Variants in EPHB1 observed in about 807,000 individuals in gnomAD.
EPHB1 encodes ephrin type-B receptor 1.
EPHB1 carries 30 observed loss-of-function variants against 94.4 expected under a neutral mutation model. The ratio of observed to expected loss-of-function variants is 0.32; its 90% CI spans 0.24 to 0.43. EPHB1 has a LOEUF of 0.43. Ranked by LOEUF, EPHB1 falls within the 20% of genes least tolerant of loss-of-function variation. The probability of loss-of-function intolerance (pLI) is 1.00; values close to 1 mark genes in which losing one functional copy is unlikely to be tolerated. For missense variants in EPHB1, 1,055 were observed against 1,308.3 expected, an observed-to-expected ratio of 0.81 and a Z score of 2.99; for synonymous variants, 522 against 489.1, an observed-to-expected ratio of 1.07 and a Z score of -0.89.
intron 1 of EPHB1, among the ~76,000 whole-genome samples, chr3:134,915,768 C>CA (rs1202800208): frequency 6.6e-6 from 1 of 152,046 alleles, no homozygotes; most frequent in Non-Finnish European, 1.5e-5. Context: ...TTCGTGGTCT[C>CA]AATGGCTTCA....
chr3:134,922,648 G>A (rs888925264), intron 1 of EPHB1, among the ~76,000 whole-genome samples: 1 of 152,116 alleles, frequency 6.6e-6, no homozygotes, highest in Admixed American at 6.5e-5. Context: ...TCCTCTGCCC[G>A]CTCCCTGCTC....
Position 135,187,325 on chromosome 3 carries a change from A to G in EPHB1, c.1883-5251A>G, listed in dbSNP as rs544581959. On this transcript the variant is annotated intron_variant, in intron 10 of 15. Transcript: ENST00000398015. ...AGCGTCTGTCTTAAATATAACGTTA[A>G]TTCTTGAATTGCTGGAAATATTTTC... Among the ~76,000 whole-genome samples, 22 of 152,324 alleles carry G rather than the reference A, an allele frequency of 1.4e-4. No individual in the cohort carries two copies. In the East Asian group the frequency reaches 3.7e-3, roughly 25 times the overall value.
At chr3:135,192,907 C>G in intron 11 of EPHB1, 84 bp downstream of exon 11, 1 of 1,540,016 alleles carries the variant, frequency 6.5e-7, no homozygotes, top group Non-Finnish European at 8.8e-7. Context: ...GCACAACCTA[C>G]CAATCAGGAA....
At position 134,795,567 on chromosome 3, in the gene EPHB1, G is replaced by T; in HGVS notation, c.-65G>T. 4.0e-6 allele frequency: 6 copies of T among 1,513,260 alleles called. No homozygotes were observed. The highest frequency in any genetic ancestry group is 4.5e-6 in the Non-Finnish European group (5 of 1,103,214). 93.7% of individuals were successfully genotyped at this position (1,513,260 alleles called of 1,614,324 possible). ...CCGCGGAGAGCGCAGCGGCGCCCTG[G>T]GACGCGGCGCTCTCCCGGCGCTGCT... is the stretch of plus-strand genomic sequence containing the variant. On this transcript the variant is annotated 5_prime_UTR_variant, in exon 1 of 16. Coordinates refer to ENST00000398015, the MANE Select transcript of EPHB1 (RefSeq NM_004441.5).
In EPHB1 at chr3:135,162,108, C is replaced by T. The variant is rs2107698243; in HGVS notation, c.1513C>T (p.Gln505Ter). ...GLRPGMVYVV[Q>*]VRARTVAGYG... The stretch of plus-strand genomic sequence containing the variant: ...GCGGCCTGGCATGGTATATGTGGTA[C>T]AGGTGCGTGCCCGCACTGTTGCTGG... The change falls in exon 7 of 16, where the codon CAG (glutamine) becomes TAG (stop). Residue 505 changes from glutamine to a stop codon, truncating the protein, a stop_gained. Transcript: ENST00000398015. LOFTEE classifies it high-confidence loss of function. The T allele has an allele frequency of 6.2e-7, 1 of 1,613,320 alleles. No individual in the cohort carries two copies.
Position 134,951,823 on chromosome 3 carries a change from C to T in EPHB1, c.576C>T (p.Phe192=). Residue 192 remains phenylalanine, a synonymous_variant, in exon 3 of 16, where the codon TTC becomes TTT. Coordinates refer to ENST00000398015, the MANE Select transcript of EPHB1 (RefSeq NM_004441.5). The surrounding 1 kb of genome is among the most constrained non-coding windows in gnomAD (Gnocchi z 4.5). The part of the protein sequence containing the change: ...ACMSLLSVRV[F]FKKCPSIVQN... Reference sequence around the variant, plus strand: ...TGTCTCTTCTTTCTGTCCGTGTCTTCTTCAAAAAGTGTCCCAGCATTGTGC... The same window carrying T: ...TGTCTCTTCTTTCTGTCCGTGTCTTTTTCAAAAAGTGTCCCAGCATTGTGC... The T allele has an allele frequency of 6.2e-7, 1 of 1,614,036 alleles. No individual in the cohort carries two copies. Among genetic ancestry groups the T allele is most frequent in the Non-Finnish European group, 8.5e-7 (1 of 1,179,890 alleles).
intron 3 of EPHB1, among the ~76,000 whole-genome samples, chr3:135,061,205 G>T (rs928825791): frequency 2.0e-5 from 3 of 152,150 alleles, no homozygotes; most frequent in African/African-American, 7.2e-5. Context: ...GTGGTGATTT[G>T]TGAGATTTTG....
chr3:134,882,796 T>TTCTTTCTTTCTTTCTTTCTCTCTC (rs1560280659), intron 1 of EPHB1, among the ~76,000 whole-genome samples: 1 of 75,522 alleles, frequency 1.3e-5, no homozygotes, highest in East Asian at 2.6e-4. Context: ...CTTTCTTTCT[T>TTCTTTCTTTCTTTCTTTCTCTCTC]TCTTTCTTTC....
chr3:135,172,484 G>T (rs186346274), intron 9 of EPHB1, among the ~76,000 whole-genome samples: 1 of 152,338 alleles, frequency 6.6e-6, no homozygotes, highest in African/African-American at 2.4e-5. Context: ...TTCTGCTTTA[G>T]ACAGGATATT....
At chr3:135,206,585 T>C (rs988394944) in intron 12 of EPHB1, among the ~76,000 whole-genome samples, 3 of 152,210 alleles carry the variant, frequency 2.0e-5, no homozygotes, top group Admixed American at 2.0e-4. Context: ...CATGGTGGCC[T>C]GTGCCTGTAA....
At chr3:135,068,469 G>A (rs527997807) in intron 3 of EPHB1, among the ~76,000 whole-genome samples, 1 of 151,844 alleles carries the variant, frequency 6.6e-6, no homozygotes, top group Non-Finnish European at 1.5e-5. Flanking sequence ...GGGATTATCT[G>A]TTCTATTTCT....
chr3:134,882,819 T>TTTCTTTCTTTCTTTCTTTCTTTCG (rs2037782643), intron 1 of EPHB1, among the ~76,000 whole-genome samples: 2 of 138,838 alleles, frequency 1.4e-5, no homozygotes, highest in African/African-American at 5.3e-5. Context: ...TCTTTCTTTC[T>TTTCTTTCTTTCTTTCTTTCTTTCG]TTCTTTTCTT....
intron 5 of EPHB1, among the ~76,000 whole-genome samples, chr3:135,141,270 A>T (rs929313563): frequency 4.0e-5 from 6 of 151,638 alleles, no homozygotes; most frequent in Non-Finnish European, 8.8e-5. Context: ...AGAAACGGTG[A>T]CGTATGTTGC....
chr3:135,043,039 G>A (rs538854734), intron 3 of EPHB1, among the ~76,000 whole-genome samples: 22 of 151,648 alleles, frequency 1.5e-4, no homozygotes, highest in East Asian at 1.2e-3. Flanking sequence ...GACAAGTTTC[G>A]CCACATTGCT....
Position 135,259,137 on chromosome 3 carries a change from G to A in EPHB1, c.*17G>A. On this transcript the variant is annotated 3_prime_UTR_variant, in exon 16 of 16. Coordinates refer to ENST00000398015, the MANE Select transcript of EPHB1 (RefSeq NM_004441.5). Reference sequence around the variant, plus strand: ...ATGGCATGAGAACTCTTGTTTCTTGGGGAAGGAGAGGAGGGAAAAGGACCA... The same window carrying A: ...ATGGCATGAGAACTCTTGTTTCTTGAGGAAGGAGAGGAGGGAAAAGGACCA... The A allele has an allele frequency of 6.3e-7, 1 of 1,585,326 alleles. No homozygotes were observed. Among genetic ancestry groups the A allele is most frequent in the South Asian group, 1.1e-5 (1 of 87,134 alleles).
chr3:135,049,978 G>A (rs545281712), intron 3 of EPHB1, among the ~76,000 whole-genome samples: 4 of 152,292 alleles, frequency 2.6e-5, no homozygotes, highest in East Asian at 1.9e-4. Context: ...ACCCTGAGGA[G>A]CCCCACCCTG....
intron 3 of EPHB1, among the ~76,000 whole-genome samples, chr3:135,096,536 G>C (rs1475023610): frequency 6.6e-6 from 1 of 152,198 alleles, no homozygotes; most frequent in African/African-American, 2.4e-5. Context: ...CTTAGTTCAA[G>C]TTGCTGTAAC....
chr3:134,875,071 T>TACTTAGGA (rs1401716623), intron 1 of EPHB1, among the ~76,000 whole-genome samples: 1 of 152,190 alleles, frequency 6.6e-6, no homozygotes, highest in Non-Finnish European at 1.5e-5. Flanking sequence ...AGTCCTGGCA[T>TACTTAGGA]ACTTAGGAAC....
intron 3 of EPHB1, among the ~76,000 whole-genome samples, chr3:134,969,867 C>T (rs892133775): frequency 6.6e-6 from 1 of 152,178 alleles, no homozygotes; most frequent in South Asian, 2.1e-4. Flanking sequence ...GTCTCTAACA[C>T]ACAGGTATGT....
Sources: gnomAD v4.1 joint callset for allele counts (sites outside exome capture counted in the v4.1 genomes callset) on GRCh38, gnomAD v4.1.1 for gene constraint, Gnocchi (gnomAD v3.1) non-coding constraint, MANE v1.5 for transcripts, NCBI Gene and HGNC (gene_info 2026-07-23, HGNC 2026-07-21) for gene names.